Variants in KIF21A observed in about 807,000 individuals in gnomAD.
KIF21A encodes the protein kinesin-like protein KIF21A.
Under a neutral mutation model 202.9 loss-of-function variants are expected in KIF21A, and 114 were observed. The ratio of observed to expected loss-of-function variants is 0.56; its 90% CI spans 0.48 to 0.66. The LOEUF is 0.66. Among genes scored for constraint, KIF21A ranks in the 30% least tolerant of loss-of-function variants. KIF21A has a pLI of 0.00. For missense variants in KIF21A, 1,677 were observed against 1,994.9 expected, an observed-to-expected ratio of 0.84 and a Z score of 3.04; for synonymous variants, 667 against 670.8, an observed-to-expected ratio of 0.99 and a Z score of 0.09.
chr12:39,364,123 C>T (rs1949441526), intron 6 of KIF21A, among the ~76,000 whole-genome samples: 1 of 152,152 alleles, frequency 6.6e-6, no homozygotes, highest in Admixed American at 6.5e-5. Context: ...GCTGTTTTTC[C>T]TACTGTCACT....
Position 39,415,230 on chromosome 12 carries a change from CTTTTTTTT to C in KIF21A, c.44+27689_44+27696del, listed in dbSNP as rs1161997461. Among the ~76,000 whole-genome samples the C allele has an allele frequency of 4.8e-3, 268 of 55,426 alleles. 1 individual carries two copies. The highest frequency in any genetic ancestry group is 6.9e-3 in the Non-Finnish European group (206 of 29,764). 36.4% of individuals were successfully genotyped at this position (55,426 alleles called of 152,430 possible). Reference sequence around the variant, plus strand: ...TTTTTTAAAAGTCTGGTAGAGAATGCTTTTTTTTTTTTTTTTTTTTTTTTTTTGAGATG... The same window carrying C: ...TTTTTTAAAAGTCTGGTAGAGAATGCTTTTTTTTTTTTTTTTTTTGAGATG... On this transcript the variant is annotated intron_variant, in intron 1 of 37. Coordinates refer to ENST00000361418, the MANE Select transcript of KIF21A (RefSeq NM_001173464.2).
intron 1 of KIF21A, among the ~76,000 whole-genome samples, chr12:39,416,256 A>G (rs963489592): frequency 6.6e-6 from 1 of 152,136 alleles, no homozygotes; most frequent in Non-Finnish European, 1.5e-5. Flanking sequence ...CTGGTTTGTC[A>G]TCTTTAAAAC....
chr12:39,391,208 A>G (rs929363786), intron 1 of KIF21A, among the ~76,000 whole-genome samples: 1 of 152,224 alleles, frequency 6.6e-6, no homozygotes, highest in African/African-American at 2.4e-5. Flanking sequence ...ATAGAGTTTC[A>G]ATAACAAGCT....
intron 24 of KIF21A, among the ~76,000 whole-genome samples, chr12:39,328,333 C>A (rs1181848889): frequency 6.6e-6 from 1 of 152,136 alleles, no homozygotes; most frequent in East Asian, 1.9e-4. Flanking sequence ...AAACATTGCA[C>A]AAATATTGCT....
At chr12:39,359,986 T>A (rs1248679909) in intron 7 of KIF21A, among the ~76,000 whole-genome samples, 2 of 152,080 alleles carry the variant, frequency 1.3e-5, no homozygotes, top group African/African-American at 2.4e-5. Context: ...ATGCACAATA[T>A]TAACTCACCA....
chr12:39,433,120 G>A (rs1014769576), intron 1 of KIF21A, among the ~76,000 whole-genome samples: 2 of 152,080 alleles, frequency 1.3e-5, no homozygotes, highest in Admixed American at 6.5e-5. Flanking sequence ...TTTTTCTAAT[G>A]TGATTAACCT....
intron 1 of KIF21A, among the ~76,000 whole-genome samples, chr12:39,384,110 T>C (rs1475475947): frequency 6.6e-6 from 1 of 152,156 alleles, no homozygotes; most frequent in Non-Finnish European, 1.5e-5. Flanking sequence ...GATAACATGG[T>C]ATTTCAGAGG....
chr12:39,408,206 G>C (rs1952766549), intron 1 of KIF21A, among the ~76,000 whole-genome samples: 1 of 152,036 alleles, frequency 6.6e-6, no homozygotes, highest in African/African-American at 2.4e-5. Context: ...TGGGTGGAGG[G>C]GGATGATGGT....
Position 39,315,856 on chromosome 12 carries a change from T to C in KIF21A, c.3947+76A>G, listed in dbSNP as rs752169705. The C allele has an allele frequency of 8.8e-6, 9 of 1,020,738 alleles. No individual in the cohort carries two copies. The East Asian group carries it at 2.1e-4, about 24-fold the overall frequency. 63.2% of individuals were successfully genotyped at this position (1,020,738 alleles called of 1,614,324 possible). A position where few individuals can be genotyped will look rare whatever the true frequency, so the allele number is the denominator to read the frequency against. On this transcript the variant is annotated intron_variant, in intron 30 of 37. Coordinates refer to ENST00000361418, the MANE Select transcript of KIF21A (RefSeq NM_001173464.2). ...TGATGCATGCAACAAAAATGAGACT[T>C]GCTTAGAATTTCTAGGAAGGCACTT...
At position 39,340,136 on chromosome 12, in the gene KIF21A, A is replaced by C. The variant is rs576333378; in HGVS notation, c.2310+29T>G. Reference sequence around the variant, plus strand: ...AAATGACAAAATCATACTGAACATCAAACGTTAATGGAAAAAAATAATCAA... The same window carrying C: ...AAATGACAAAATCATACTGAACATCCAACGTTAATGGAAAAAAATAATCAA... On this transcript the variant is annotated intron_variant, in intron 16 of 37. Coordinates refer to ENST00000361418, the MANE Select transcript of KIF21A (RefSeq NM_001173464.2). The C allele has an allele frequency of 3.8e-6, 6 of 1,568,238 alleles. No homozygotes were observed. In the Admixed American group the frequency reaches 8.4e-5, roughly 22 times the overall value.
In KIF21A at chr12:39,330,743, T is replaced by TA. The variant is rs1301978401; in HGVS notation, c.3319+2dup. 1.9e-6 allele frequency: 3 copies of TA among 1,613,552 alleles called. No individual in the cohort carries two copies. Among genetic ancestry groups the TA allele is most frequent in the Non-Finnish European group, 2.5e-6 (3 of 1,179,634 alleles). On this transcript the variant is annotated splice_region_variant and intron_variant, in intron 23 of 37. Transcript: ENST00000361418. Reference sequence around the variant, plus strand: ...CATTCAACTAAAATTGAGAGCAAATTACCTTGTAAAGCATGGCCTAGTAAA... The same window carrying TA: ...CATTCAACTAAAATTGAGAGCAAATTAACCTTGTAAAGCATGGCCTAGTAAA...
chr12:39,384,615 T>G (rs1022574981), intron 1 of KIF21A, among the ~76,000 whole-genome samples: 1 of 152,192 alleles, frequency 6.6e-6, no homozygotes, highest in Non-Finnish European at 1.5e-5. Context: ...AAAGAACTCT[T>G]AATCTCTACA....
intron 11 of KIF21A, among the ~76,000 whole-genome samples, chr12:39,350,548 A>C (rs1234020808): frequency 6.6e-6 from 1 of 152,028 alleles, no homozygotes. Flanking sequence ...TAATTCAAGC[A>C]GTAAACTGGG....
intron 6 of KIF21A, 71 bp from the exon 7 acceptor site, chr12:39,363,284 A>G (rs1949370548): frequency 1.1e-6 from 1 of 877,786 alleles, no homozygotes; most frequent in South Asian, 1.4e-5. Flanking sequence ...AAATAAAGAA[A>G]GTTTACAGAG....
chr12:39,350,225 C>A (rs1948249829), intron 11 of KIF21A, among the ~76,000 whole-genome samples: 1 of 151,792 alleles, frequency 6.6e-6, no homozygotes, highest in African/African-American at 2.4e-5. Flanking sequence ...ATTATTACAA[C>A]TACATAATCA....
intron 25 of KIF21A, 51 bp from the exon 26 acceptor site, chr12:39,325,944 G>T: frequency 7.0e-7 from 1 of 1,424,726 alleles, no homozygotes; most frequent in Non-Finnish European, 9.9e-7. Flanking sequence ...AATTATTATA[G>T]AAAACTATAG....
intron 1 of KIF21A, among the ~76,000 whole-genome samples, chr12:39,420,074 TAAAAAAAAAAAA>T (rs72435342): frequency 1.2e-5 from 1 of 83,128 alleles, no homozygotes; most frequent in Non-Finnish European, 2.4e-5. Flanking sequence ...AGACAGAAAG[TAAAAAAAAAAAA>T]AAAAAAAAAA....
At chr12:39,303,740 T>C (rs574089582) in intron 35 of KIF21A, among the ~76,000 whole-genome samples, 1 of 152,190 alleles carries the variant, frequency 6.6e-6, no homozygotes, top group Non-Finnish European at 1.5e-5. Context: ...TAATGACTAT[T>C]AGGTAACTCT....
At chr12:39,417,824 G>A (rs1192454467) in intron 1 of KIF21A, among the ~76,000 whole-genome samples, 1 of 152,102 alleles carries the variant, frequency 6.6e-6, no homozygotes, top group South Asian at 2.1e-4. Context: ...AAGTATGACA[G>A]TATGACAAGA....
Sources: allele counts gnomAD v4.1 joint callset (sites outside exome capture counted in the v4.1 genomes callset), GRCh38; gene constraint gnomAD v4.1.1; transcripts MANE v1.5; gene names NCBI Gene and HGNC (gene_info 2026-07-23, HGNC 2026-07-21).